Variants in PANK4 observed in about 807,000 individuals in gnomAD.
PANK4 encodes pantothenate kinase 4 (inactive).
In PANK4, 40 loss-of-function variants were observed where a neutral mutation model predicts 87.9. That is an observed-to-expected ratio of 0.46 (90% CI 0.35 to 0.59). The LOEUF (loss-of-function observed/expected upper bound fraction) is 0.59, where lower values mean the gene tolerates loss of function less well. Ranked by LOEUF, PANK4 falls within the 20% of genes least tolerant of loss-of-function variation. The pLI is 0.00. For missense variants in PANK4, 926 were observed against 1,072.3 expected, an observed-to-expected ratio of 0.86 and a Z score of 1.90; for synonymous variants, 524 against 467.4, an observed-to-expected ratio of 1.12 and a Z score of -1.56.
In PANK4 at chr1:2,514,480, A is replaced by G. The variant is rs752007394; in HGVS notation, c.1375-14T>C. The stretch of plus-strand genomic sequence containing the variant: ...GCGCTTCACTACCTGCCAGCGACAG[A>G]AGGAGGGGGTTAGTCAAGCGCTGGC... On this transcript the variant is annotated splice_polypyrimidine_tract_variant and intron_variant, in intron 10 of 18. Transcript: ENST00000378466. The G allele has an allele frequency of 3.7e-5, 58 of 1,583,188 alleles. No homozygotes were observed. Among genetic ancestry groups the G allele is most frequent in the Middle Eastern group, 3.5e-4 (2 of 5,718 alleles).
rs1481617040 is a variant in PANK4 at position 2,508,739 on chromosome 1, G to A, written c.*108C>T. ...TGTGCGGCTGGGGTGTATGTGCCGCGTCACAGCAGTACCATATAAATACGT... is the reference window on the plus strand; with the variant it reads ...TGTGCGGCTGGGGTGTATGTGCCGCATCACAGCAGTACCATATAAATACGT... On this transcript the variant is annotated 3_prime_UTR_variant, in exon 19 of 19. Coordinates refer to ENST00000378466, the MANE Select transcript of PANK4 (RefSeq NM_018216.4). This position sits in a 1 kb window ranked among gnomAD's most constrained non-coding sequence, Gnocchi z 5.1. The A allele has an allele frequency of 2.3e-5, 16 of 705,566 alleles. No homozygotes were observed. Among genetic ancestry groups the A allele is most frequent in the African/African-American group, 1.2e-4 (7 of 56,624 alleles). 43.7% of individuals were successfully genotyped at this position (705,566 alleles called of 1,614,324 possible).
At position 2,509,832 on chromosome 1, in the gene PANK4, GGA is replaced by G; in HGVS notation, c.2108+28_2108+29del. The G allele has an allele frequency of 6.3e-7, 1 of 1,596,792 alleles. No homozygotes were observed. The highest frequency in any genetic ancestry group is 8.6e-7 in the Non-Finnish European group (1 of 1,167,786). Reference sequence around the variant, plus strand: ...GCACAGAGGGCACAGAGCCCAGGAGGGAGAGAACAGGTGCAGGGTGCGGGGTT... The same window carrying G: ...GCACAGAGGGCACAGAGCCCAGGAGGGAGAACAGGTGCAGGGTGCGGGGTT... On this transcript the variant is annotated intron_variant, in intron 18 of 18. Transcript: ENST00000378466. This position sits in a 1 kb window ranked among gnomAD's most constrained non-coding sequence, Gnocchi z 4.9.
At chr1:2,522,297 GA>G (rs934040536) in intron 1 of PANK4, among the ~76,000 whole-genome samples, 2 of 152,178 alleles carry the variant, frequency 1.3e-5, no homozygotes, top group African/African-American at 4.8e-5. Flanking sequence ...CCCTACCCTG[GA>G]GAGGCAAACG....
In PANK4 at chr1:2,520,658, A is replaced by G. The variant is rs1382549620; in HGVS notation, c.606+65T>C. The G allele has an allele frequency of 6.7e-7, 1 of 1,487,112 alleles. No individual in the cohort carries two copies. Among genetic ancestry groups the G allele is most frequent in the African/African-American group, 1.4e-5 (1 of 71,922 alleles). 92.1% of individuals were successfully genotyped at this position (1,487,112 alleles called of 1,614,324 possible). A position where few individuals can be genotyped will look rare whatever the true frequency, so the allele number is the denominator to read the frequency against. Reference sequence around the variant, plus strand: ...ATGTGCCCAGCCCTGGCTCCTGCACACAGCGAGGGCTTAACAAACTATGGC... The same window carrying G: ...ATGTGCCCAGCCCTGGCTCCTGCACGCAGCGAGGGCTTAACAAACTATGGC... On this transcript the variant is annotated intron_variant, in intron 4 of 18. Transcript: ENST00000378466. The surrounding 1 kb of genome is among the most constrained non-coding windows in gnomAD (Gnocchi z 6.2).
chr1:2,515,836 T>A lies in PANK4; in HGVS notation c.1219-119A>T. 9.6e-7 allele frequency: 1 copy of A among 1,041,360 alleles called. No homozygotes were observed. The highest frequency in any genetic ancestry group is 2.6e-5 in the East Asian group (1 of 38,312). The allele number at this position is 1,041,360 out of a possible 1,614,324, so 64.5% of individuals were successfully genotyped here. A position where few individuals can be genotyped will look rare whatever the true frequency, so the allele number is the denominator to read the frequency against. ...AGATGTACTGCCTTCTTCCGCCACG[T>A]CTCTGGGCCACAGACGAGACCCCCA... On this transcript the variant is annotated intron_variant, in intron 9 of 18. Coordinates refer to ENST00000378466, the MANE Select transcript of PANK4 (RefSeq NM_018216.4). This position sits in a 1 kb window ranked among gnomAD's most constrained non-coding sequence, Gnocchi z 5.0.
rs1310989654 is a variant in PANK4, at chr1:2,519,903, C to A, written c.751G>T (p.Asp251Tyr). 1 of 1,568,056 alleles carries A rather than the reference C, an allele frequency of 6.4e-7. No individual in the cohort carries two copies. The highest frequency in any genetic ancestry group is 8.6e-7 in the Non-Finnish European group (1 of 1,156,496). ...LASRGQHSNV[D>Y]MLVRDVYGGA... ...CCGTAGACGTCCCGCACCAGCATGT[C>A]CACATTGCTGTGCTGGCCCCTCGAG... The change falls in exon 6 of 19, where the codon GAC (aspartate) becomes TAC (tyrosine). Residue 251 changes from aspartate to tyrosine, a missense_variant. Physicochemically the swap from Asp to Tyr is radical, Grantham distance 160. Transcript: ENST00000378466. This position sits in a 1 kb window ranked among gnomAD's most constrained non-coding sequence, Gnocchi z 8.3.
Position 2,515,377 on chromosome 1 carries a change from A to G in PANK4, c.1374+185T>C, listed in dbSNP as rs2100778786. The G allele has an allele frequency of 1.4e-6, 1 of 712,880 alleles. No homozygotes were observed. The highest frequency in any genetic ancestry group is 2.7e-5 in the East Asian group (1 of 37,304). 44.2% of individuals were successfully genotyped at this position (712,880 alleles called of 1,614,324 possible). On this transcript the variant is annotated intron_variant, in intron 10 of 18. Transcript: ENST00000378466. This position sits in a 1 kb window ranked among gnomAD's most constrained non-coding sequence, Gnocchi z 5.0. ...GACGCCACGTCCTCACTGACCCACCAGGTGGCCAGGAGCGGTATTTTTGCC... is the reference window on the plus strand; with the variant it reads ...GACGCCACGTCCTCACTGACCCACCGGGTGGCCAGGAGCGGTATTTTTGCC...
chr1:2,518,970 G>A (rs1051334510), intron 7 of PANK4, among the ~76,000 whole-genome samples, 173 bp downstream of exon 7: 7 of 152,288 alleles, frequency 4.6e-5, no homozygotes, highest in African/African-American at 1.4e-4. Context: ...AGGTGGCCAC[G>A]GTGCCACAAA....
rs199729412 is a variant in PANK4 at position 2,515,766 on chromosome 1, G to A, written c.1219-49C>T. ...TGGAAACGTCACCATGGTTCAGAAC[G>A]ACCCAAGCCACACTCAGAAGCTTCC... is the stretch of plus-strand genomic sequence containing the variant. On this transcript the variant is annotated intron_variant, in intron 9 of 18. Coordinates refer to ENST00000378466, the MANE Select transcript of PANK4 (RefSeq NM_018216.4). This position sits in a 1 kb window ranked among gnomAD's most constrained non-coding sequence, Gnocchi z 5.0. The A allele has an allele frequency of 1.3e-4, 197 of 1,552,068 alleles. 1 individual carries two copies. In the African/African-American group the frequency reaches 2.2e-3, roughly 17 times the overall value.
chr1:2,508,794 A>G lies in PANK4; in HGVS notation c.*53T>C. ...TTGAACGCAGTTTCCCTGTGGTGGT[A>G]AAAACACATTCCTGACAAGTGACAA... On this transcript the variant is annotated 3_prime_UTR_variant, in exon 19 of 19. Transcript: ENST00000378466. This position sits in a 1 kb window ranked among gnomAD's most constrained non-coding sequence, Gnocchi z 5.1. The G allele has an allele frequency of 8.8e-7, 1 of 1,130,996 alleles. No homozygotes were observed. 70.1% of individuals were successfully genotyped at this position (1,130,996 alleles called of 1,614,324 possible). A position where few individuals can be genotyped will look rare whatever the true frequency, so the allele number is the denominator to read the frequency against.
intron 1 of PANK4, among the ~76,000 whole-genome samples, chr1:2,522,800 CT>C (rs1643887372): frequency 6.6e-6 from 1 of 152,166 alleles, no homozygotes; most frequent in Admixed American, 6.5e-5. Context: ...GCTATAGTGA[CT>C]TAACGGAGGG....
chr1:2,513,019 G>A lies in PANK4; in HGVS notation c.1596C>T (p.Gly532=), dbSNP rs372892416. Residue 532 remains glycine (G), a synonymous_variant, in exon 13 of 19, where the codon GGC becomes GGT. Transcript: ENST00000378466. ...CCCCGGGGAAGCACCTCAGCGCCAC[G>A]CCATTCTCCCGCTGCTTCACCTGTG... ...PYSKVKQREN[G]VALRCFPGVV... 48 of 1,605,226 alleles carry A rather than the reference G, an allele frequency of 3.0e-5. No individual in the cohort carries two copies. The highest frequency in any genetic ancestry group is 2.5e-4 in the South Asian group (23 of 90,766).
chr1:2,509,392 G>A lies in PANK4; in HGVS notation c.2109-332C>T, dbSNP rs111725207. 2.8e-4 allele frequency among the ~76,000 whole-genome samples: 42 copies of A among 152,324 alleles called. 1 individual carries two copies. The highest frequency in any genetic ancestry group is 1.0e-3 in the African/African-American group (42 of 41,568). On this transcript the variant is annotated intron_variant, in intron 18 of 18. Coordinates refer to ENST00000378466, the MANE Select transcript of PANK4 (RefSeq NM_018216.4). The surrounding 1 kb of genome is among the most constrained non-coding windows in gnomAD (Gnocchi z 4.9). ...AGCCAGCACTGGAGAATCCCACCAG[G>A]CAGAGCAGACCAGCGGCCCCAGCAC...
chr1:2,517,590 C>T (rs1020207496), intron 9 of PANK4, among the ~76,000 whole-genome samples: 54 of 152,212 alleles, frequency 3.5e-4, no homozygotes, highest in Admixed American at 3.1e-3. Flanking sequence ...CAGGTCCTGG[C>T]GGGGGACCCT....
chr1:2,512,430 G>A (rs1485010132), intron 13 of PANK4: 1 of 159,086 alleles, frequency 6.3e-6, no homozygotes, highest in Non-Finnish European at 1.4e-5. Context: ...TGATGGTGGG[G>A]GGGTTCATTT....
intron 12 of PANK4, among the ~76,000 whole-genome samples, chr1:2,513,293 T>G (rs1643696523): frequency 1.3e-5 from 2 of 151,772 alleles, no homozygotes; most frequent in South Asian, 4.2e-4. Context: ...AGGACAAGAG[T>G]GGAGGACACG....
intron 11 of PANK4, 81 bp from the exon 12 acceptor site, chr1:2,514,170 C>T (rs901302786): frequency 1.4e-5 from 18 of 1,304,798 alleles, no homozygotes; most frequent in East Asian, 4.6e-5. Context: ...GTGCCACGGA[C>T]GTCCTCAGGA....
In PANK4 at chr1:2,520,882, C is replaced by G. The variant is rs76188199; in HGVS notation, c.447G>C (p.Thr149=). 6.4e-7 allele frequency: 1 copy of G among 1,558,622 alleles called. No homozygotes were observed. The highest frequency in any genetic ancestry group is 8.7e-7 in the Non-Finnish European group (1 of 1,153,228). The stretch of plus-strand genomic sequence containing the variant: ...CGAAGTTGCACCCCTTAATCAGGCA[C>G]GTCATCACGTCCTCCTTGTCGACTC... ...RLKVDKEDVM[T]CLIKGCNFVL... The change falls in exon 4 of 19, where the codon ACG becomes ACC. Residue 149 remains threonine (T), a synonymous_variant. Coordinates refer to ENST00000378466, the MANE Select transcript of PANK4 (RefSeq NM_018216.4). The surrounding 1 kb of genome is among the most constrained non-coding windows in gnomAD (Gnocchi z 6.2).
At chr1:2,518,833 A>G (rs1484614047) in intron 7 of PANK4, among the ~76,000 whole-genome samples, 4 of 152,256 alleles carry the variant, frequency 2.6e-5, no homozygotes, top group African/African-American at 9.6e-5. Flanking sequence ...CTGGCCCACA[A>G]GTCTCTGCGT....
Sources: gnomAD v4.1 joint callset for allele counts (sites outside exome capture counted in the v4.1 genomes callset) on GRCh38, gnomAD v4.1.1 for gene constraint, Gnocchi (gnomAD v3.1) non-coding constraint, MANE v1.5 for transcripts, NCBI Gene and HGNC (gene_info 2026-07-23, HGNC 2026-07-21) for gene names.